The following GRM1 variants were observed in gnomAD, a reference collection of about 807,000 sequenced individuals.
The protein encoded by GRM1 is metabotropic glutamate receptor 1.
GRM1 carries 33 observed loss-of-function variants against 90.9 expected under a neutral mutation model. That is an observed-to-expected ratio of 0.36 (90% CI 0.28 to 0.49). The LOEUF (loss-of-function observed/expected upper bound fraction) is 0.49, where lower values mean the gene tolerates loss of function less well. Among genes scored for constraint, GRM1 ranks in the 20% least tolerant of loss-of-function variants. GRM1 has a pLI of 0.99. For synonymous variants in GRM1, 700 were observed against 613.2 expected (o/e 1.14, Z -2.09); for missense variants, 1,190 against 1,534.3 (o/e 0.78, Z 3.75).
intron 2 of GRM1, among the ~76,000 whole-genome samples, chr6:146,280,045 A>C (rs1222772447): frequency 6.6e-6 from 1 of 152,120 alleles, no homozygotes; most frequent in Non-Finnish European, 1.5e-5. Context: ...CTTTTGGTCA[A>C]AATTGACAAG....
At chr6:146,063,610 A>G (rs553920181) in intron 1 of GRM1, among the ~76,000 whole-genome samples, 75 of 152,220 alleles carry the variant, frequency 4.9e-4, no homozygotes, top group African/African-American at 1.7e-3. Context: ...TTGCTTTTCT[A>G]TGTCACATTG....
intron 3 of GRM1, among the ~76,000 whole-genome samples, chr6:146,335,611 C>G (rs552451414): frequency 6.6e-6 from 1 of 152,150 alleles, no homozygotes; most frequent in Admixed American, 6.6e-5. Flanking sequence ...CTTCCTACTC[C>G]AAGTCCTAGA....
At chr6:146,242,820 C>T (rs540745065) in intron 2 of GRM1, among the ~76,000 whole-genome samples, 2 of 152,204 alleles carry the variant, frequency 1.3e-5, no homozygotes, top group South Asian at 2.1e-4. Flanking sequence ...AAGAATTTTA[C>T]AGCACACCAG....
At chr6:146,412,382 T>C (rs1777602696) in intron 7 of GRM1, among the ~76,000 whole-genome samples, 1 of 152,156 alleles carries the variant, frequency 6.6e-6, no homozygotes, top group Non-Finnish European at 1.5e-5. Flanking sequence ...TGGAAAACCC[T>C]TCATTAGGAA....
At chr6:146,090,344 A>T (rs1428970538) in intron 1 of GRM1, among the ~76,000 whole-genome samples, 1 of 152,120 alleles carries the variant, frequency 6.6e-6, no homozygotes, top group Non-Finnish European at 1.5e-5. Flanking sequence ...TTGGGGCAGC[A>T]TATTTAGTAC....
intron 1 of GRM1, among the ~76,000 whole-genome samples, chr6:146,074,207 C>T (rs1373144331): frequency 6.6e-6 from 1 of 152,110 alleles, no homozygotes; most frequent in Non-Finnish European, 1.5e-5. Context: ...CACATTTCTT[C>T]TCCTCCTCCC....
intron 1 of GRM1, among the ~76,000 whole-genome samples, chr6:146,146,454 T>C (rs1278470052): frequency 6.6e-6 from 1 of 152,072 alleles, no homozygotes; most frequent in Admixed American, 6.6e-5. Flanking sequence ...ATTCTAGACT[T>C]TGGACTTTTG....
chr6:146,287,229 A>C (rs1043535866), intron 2 of GRM1, among the ~76,000 whole-genome samples: 1 of 152,160 alleles, frequency 6.6e-6, no homozygotes, highest in East Asian at 1.9e-4. Context: ...TTTGGCTTGG[A>C]GTTGTGATGA....
chr6:146,107,280 A>G (rs902265426), intron 1 of GRM1, among the ~76,000 whole-genome samples: 2 of 152,252 alleles, frequency 1.3e-5, no homozygotes, highest in Non-Finnish European at 2.9e-5. Context: ...GGTACAATAC[A>G]TAAAATAAAT....
intron 1 of GRM1, among the ~76,000 whole-genome samples, chr6:146,150,276 A>G (rs1393166629): frequency 6.6e-6 from 1 of 152,212 alleles, no homozygotes; most frequent in Admixed American, 6.5e-5. Context: ...AGATTTTATC[A>G]TAAGAAATTT....
At chr6:146,036,922 A>G (rs975557749) in intron 1 of GRM1, among the ~76,000 whole-genome samples, 19 of 151,970 alleles carry the variant, frequency 1.3e-4, no homozygotes, top group Admixed American at 3.9e-4. Flanking sequence ...ATCAATAATA[A>G]TAACTATTAT....
chr6:146,100,142 CAG>C (rs975685438), intron 1 of GRM1, among the ~76,000 whole-genome samples: 2 of 152,108 alleles, frequency 1.3e-5, no homozygotes, highest in African/African-American at 4.8e-5. Context: ...TTTTAAAAAA[CAG>C]AAGTCCATTG....
chr6:146,166,787 T>A (rs1252574224), intron 2 of GRM1, among the ~76,000 whole-genome samples: 3 of 152,120 alleles, frequency 2.0e-5, no homozygotes, highest in African/African-American at 7.2e-5. Flanking sequence ...TAAGTTAGAC[T>A]CTCTCCATAA....
intron 1 of GRM1, among the ~76,000 whole-genome samples, chr6:146,109,298 G>A (rs969668910): frequency 3.7e-4 from 57 of 152,274 alleles, no homozygotes; most frequent in African/African-American, 1.3e-3. Context: ...TGCAGTCTAG[G>A]GACTTGATGC....
chr6:146,058,745 G>T (rs766828274), intron 1 of GRM1, among the ~76,000 whole-genome samples: 45 of 152,068 alleles, frequency 3.0e-4, no homozygotes, highest in Non-Finnish European at 5.7e-4. Context: ...CTGCTGCCTT[G>T]TCAACTAAGT....
intron 1 of GRM1, among the ~76,000 whole-genome samples, chr6:146,068,355 C>T (rs1775918223): frequency 6.6e-6 from 1 of 152,282 alleles, no homozygotes; most frequent in East Asian, 1.9e-4. Context: ...CCTCATGATC[C>T]GCCCACCTCG....
chr6:146,185,411 A>T (rs1043400489), intron 2 of GRM1, among the ~76,000 whole-genome samples: 2 of 152,152 alleles, frequency 1.3e-5, no homozygotes, highest in Non-Finnish European at 1.5e-5. Context: ...CCTTGCACAG[A>T]CCCTGATTTG....
chr6:146,082,726 C>T (rs1004610503), intron 1 of GRM1, among the ~76,000 whole-genome samples: 1 of 152,086 alleles, frequency 6.6e-6, no homozygotes, highest in African/African-American at 2.4e-5. Flanking sequence ...ATATTTCATC[C>T]TCCTCTGATC....
rs775235221 is a variant in GRM1 at position 146,030,213 on chromosome 6, G to C, written c.696G>C (p.Thr232=). The C allele has an allele frequency of 2.7e-5, 43 of 1,603,940 alleles. No homozygotes were observed. The East Asian group carries it at 9.1e-4, about 34-fold the overall frequency. The change falls in exon 1 of 8, where the codon ACG becomes ACC. Residue 232 remains threonine (T), a synonymous_variant. Coordinates refer to ENST00000282753, the MANE Select transcript of GRM1 (RefSeq NM_001278064.2). The part of the protein sequence containing the change: ...YNWTYVSAVH[T]EGNYGESGMD... Reference sequence around the variant, plus strand: ...GGACCTATGTCTCTGCAGTCCACACGGAAGGTAGGCATTATATTTGGGAAA... The same window carrying C: ...GGACCTATGTCTCTGCAGTCCACACCGAAGGTAGGCATTATATTTGGGAAA...
Sources: gnomAD v4.1 joint callset for allele counts (sites outside exome capture counted in the v4.1 genomes callset) on GRCh38, gnomAD v4.1.1 for gene constraint, MANE v1.5 for transcripts, NCBI Gene and HGNC (gene_info 2026-07-23, HGNC 2026-07-21) for gene names.